The following FER variants were observed in gnomAD, a reference collection of about 807,000 sequenced individuals.
FER encodes the protein FER tyrosine kinase, also known as tyrosine-protein kinase Fer.
In FER, 63 loss-of-function variants were observed where a neutral mutation model predicts 111.0. The ratio of observed to expected loss-of-function variants is 0.57; its 90% CI spans 0.46 to 0.70. The LOEUF is 0.70. Ranked by LOEUF, FER falls within the 30% of genes least tolerant of loss-of-function variation. The probability of loss-of-function intolerance (pLI) is 0.00; values close to 1 mark genes in which losing one functional copy is unlikely to be tolerated. For missense variants in FER, 914 were observed against 954.0 expected (o/e 0.96, Z 0.55); for synonymous variants, 327 against 313.9 (o/e 1.04, Z -0.44).
intron 16 of FER, 139 bp from the exon 17 acceptor site, chr5:109,100,257 G>C: frequency 2.2e-6 from 2 of 906,676 alleles, no homozygotes; most frequent in East Asian, 2.7e-5. Context: ...TTATCCTCAC[G>C]TCAAACAAAT....
At position 108,864,007 on chromosome 5, in the gene FER, A is replaced by G. The variant is rs185992047; in HGVS notation, c.482-3760A>G. On this transcript the variant is annotated intron_variant, in intron 5 of 19. Transcript: ENST00000281092. ...GAACATGTTTCTCTTCAGCAGTGAC[A>G]GGGGTTAGAGATACTCAGGTGAAAA... 2.0e-3 allele frequency among the ~76,000 whole-genome samples: 305 copies of G among 152,284 alleles called. 2 individuals are homozygous for G. The highest frequency in any genetic ancestry group is 6.0e-3 in the South Asian group (29 of 4,820).
At chr5:108,995,031 A>G (rs1763809403) in intron 13 of FER, among the ~76,000 whole-genome samples, 1 of 152,120 alleles carries the variant, frequency 6.6e-6, no homozygotes, top group Non-Finnish European at 1.5e-5. Flanking sequence ...TGGGTTTTCT[A>G]GATGTAGGAT....
chr5:108,822,175 A>G (rs1580722816), intron 3 of FER, among the ~76,000 whole-genome samples: 1 of 152,230 alleles, frequency 6.6e-6, no homozygotes, highest in South Asian at 2.1e-4. Context: ...AAATGGCAGG[A>G]TTTCCTTCTT....
At chr5:108,985,420 A>C (rs760566299) in intron 13 of FER, among the ~76,000 whole-genome samples, 2 of 151,966 alleles carry the variant, frequency 1.3e-5, no homozygotes, top group Non-Finnish European at 1.5e-5. Context: ...TCCACTTTTT[A>C]AAAGTTTTTT....
chr5:109,051,351 A>ACGACTGCTGGCT, intron 16 of FER: 1 of 1,609,678 alleles, frequency 6.2e-7, no homozygotes, highest in East Asian at 2.2e-5. Context: ...TGCTGCTGGC[A>ACGACTGCTGGCT]CGACTGCTGG....
intron 1 of FER, among the ~76,000 whole-genome samples, chr5:108,753,616 T>A (rs1314712341): frequency 6.6e-6 from 1 of 152,230 alleles, no homozygotes; most frequent in Non-Finnish European, 1.5e-5. Context: ...TCAATCTGTT[T>A]AAAATTTAAA....
At chr5:109,008,142 A>G (rs1765736038) in intron 13 of FER, among the ~76,000 whole-genome samples, 1 of 152,200 alleles carries the variant, frequency 6.6e-6, no homozygotes, top group Admixed American at 6.5e-5. Context: ...TCTTGTACTC[A>G]CGGAGGAAAT....
At chr5:109,146,515 A>G (rs867073793) in intron 17 of FER, among the ~76,000 whole-genome samples, 3 of 151,704 alleles carry the variant, frequency 2.0e-5, no homozygotes, top group Non-Finnish European at 2.9e-5. Flanking sequence ...CTCTGTTATT[A>G]TTATAATTGT....
chr5:109,006,322 G>T (rs561311027), intron 13 of FER, among the ~76,000 whole-genome samples: 49 of 152,280 alleles, frequency 3.2e-4, no homozygotes, highest in Non-Finnish European at 6.6e-4. Flanking sequence ...GAATCATGGG[G>T]GCGAGTCTTT....
chr5:109,004,759 A>T (rs1765273958), intron 13 of FER, among the ~76,000 whole-genome samples: 1 of 152,136 alleles, frequency 6.6e-6, no homozygotes, highest in African/African-American at 2.4e-5. Flanking sequence ...AGTCAAAAGT[A>T]TGTTGGTTTG....
At chr5:108,899,440 A>C (rs912741923) in intron 10 of FER, among the ~76,000 whole-genome samples, 1 of 152,054 alleles carries the variant, frequency 6.6e-6, no homozygotes, top group Admixed American at 6.5e-5. Context: ...TTATCTAGTA[A>C]ATCTTTTGTT....
At chr5:108,828,824 G>T (rs1489751111) in intron 3 of FER, among the ~76,000 whole-genome samples, 1 of 152,162 alleles carries the variant, frequency 6.6e-6, no homozygotes, top group Non-Finnish European at 1.5e-5. Context: ...TTGCAGCTGG[G>T]TGCAGTAGCT....
rs2126922190 is a variant in FER at position 109,196,450 on chromosome 5, G to A, written c.*8875G>A. 6.6e-6 allele frequency: 1 copy of A among 152,282 alleles called. No individual in the cohort carries two copies. Among genetic ancestry groups the A allele is most frequent in the East Asian group, 1.9e-4 (1 of 5,182 alleles). 9.4% of individuals were successfully genotyped at this position (152,282 alleles called of 1,614,324 possible). ...GTATTTGTGAAGTGGATAAACACTGGAAATAGGGTGCTTCTTCTGGAAAGT... is the reference window on the plus strand; with the variant it reads ...GTATTTGTGAAGTGGATAAACACTGAAAATAGGGTGCTTCTTCTGGAAAGT... On this transcript the variant is annotated 3_prime_UTR_variant, in exon 20 of 20. Transcript: ENST00000281092.
At chr5:109,121,123 A>G (rs1357552969) in intron 17 of FER, among the ~76,000 whole-genome samples, 1 of 151,996 alleles carries the variant, frequency 6.6e-6, no homozygotes, top group Non-Finnish European at 1.5e-5. Context: ...TAGGAATTCC[A>G]TACTATGTTG....
intron 5 of FER, among the ~76,000 whole-genome samples, chr5:108,859,361 C>G (rs562293764): frequency 1.3e-5 from 2 of 152,102 alleles, no homozygotes; most frequent in African/African-American, 2.4e-5. Flanking sequence ...GCCTCACCCC[C>G]CAACACCCAC....
chr5:108,844,996 G>GTA lies in FER; in HGVS notation c.481+9232_481+9233dup, dbSNP rs1178206742. Among the ~76,000 whole-genome samples, 279 of 29,200 alleles carry GTA rather than the reference G, an allele frequency of 9.6e-3. 3 individuals are homozygous for GTA. The highest frequency in any genetic ancestry group is 0.015 in the Non-Finnish European group (209 of 14,270). 19.2% of individuals were successfully genotyped at this position (29,200 alleles called of 152,430 possible). On this transcript the variant is annotated intron_variant, in intron 5 of 19. Coordinates refer to ENST00000281092, the MANE Select transcript of FER (RefSeq NM_005246.4). The stretch of plus-strand genomic sequence containing the variant: ...TTGTTCATTGCTGGTGTGTGTGTGT[G>GTA]TATATATATATATATATATATATAT...
In FER at chr5:108,918,724, T is replaced by A. The variant is rs192658810; in HGVS notation, c.1236+20876T>A. Among the ~76,000 whole-genome samples, 155 of 151,954 alleles carry A rather than the reference T, an allele frequency of 1.0e-3. 1 individual carries two copies. The East Asian group carries it at 0.01, about 10-fold the overall frequency. ...GGATGGTCTCGATCTCCTGACCTCA[T>A]GATCCGCCCGCCTCAGCCTCCCAAA... On this transcript the variant is annotated intron_variant, in intron 10 of 19. Transcript: ENST00000281092.
chr5:109,189,598 G>A lies in FER; in HGVS notation c.*2023G>A, dbSNP rs1333574347. On this transcript the variant is annotated 3_prime_UTR_variant, in exon 20 of 20. Coordinates refer to ENST00000281092, the MANE Select transcript of FER (RefSeq NM_005246.4). ...CAAAGCGCAAACTCAGAAGTGCTAT[G>A]GTATTGAGGCACTTACCAACCTTCA... is the stretch of plus-strand genomic sequence containing the variant. 1 of 152,164 alleles carries A rather than the reference G, an allele frequency of 6.6e-6. No individual in the cohort carries two copies. The highest frequency in any genetic ancestry group is 2.4e-5 in the African/African-American group (1 of 41,426). The allele number at this position is 152,164 out of a possible 1,614,324, so 9.4% of individuals were successfully genotyped here.
chr5:108,871,935 C>T (rs1002425223), intron 7 of FER, among the ~76,000 whole-genome samples, 158 bp from the exon 8 acceptor site: 2 of 151,998 alleles, frequency 1.3e-5, no homozygotes, highest in Admixed American at 6.5e-5. Flanking sequence ...TCAAGTTACA[C>T]AATTTTGAAA....
Sources: gnomAD v4.1 joint callset for allele counts (sites outside exome capture counted in the v4.1 genomes callset) on GRCh38, gnomAD v4.1.1 for gene constraint, MANE v1.5 for transcripts, NCBI Gene and HGNC (gene_info 2026-07-23, HGNC 2026-07-21) for gene names.